The following SORL1 variants were observed in gnomAD, a reference collection of about 807,000 sequenced individuals.
SORL1 encodes the protein sortilin related receptor 1, also known as sortilin-related receptor.
In SORL1, 127 loss-of-function variants were observed where a neutral mutation model predicts 273.7. That is an observed-to-expected ratio of 0.46 (90% CI 0.40 to 0.54). The LOEUF is 0.54. SORL1 is among the 20% of genes least tolerant of loss of function. SORL1 has a pLI of 0.00. For missense variants in SORL1, 2,494 were observed against 2,846.1 expected, an observed-to-expected ratio of 0.88 and a Z score of 2.81; for synonymous variants, 1,031 against 1,067.4, an observed-to-expected ratio of 0.97 and a Z score of 0.66.
chr11:121,464,887 A>G (rs1861060194), intron 1 of SORL1, among the ~76,000 whole-genome samples: 1 of 152,164 alleles, frequency 6.6e-6, no homozygotes, highest in East Asian at 1.9e-4. Flanking sequence ...TTCTAGCTGC[A>G]TATTTTGGTA....
intron 36 of SORL1, 110 bp downstream of exon 36, chr11:121,607,067 C>T (rs544167620): frequency 9.9e-7 from 1 of 1,010,650 alleles, no homozygotes; most frequent in Non-Finnish European, 1.6e-6. Flanking sequence ...GGTGATGACC[C>T]ATCCGTCAGA....
rs117941925 is a variant in SORL1, at chr11:121,484,020, G to A, written c.529-4012G>A. Among the ~76,000 whole-genome samples the A allele has an allele frequency of 1.7e-3, 253 of 152,238 alleles. 1 individual carries two copies. Among genetic ancestry groups the A allele is most frequent in the Admixed American group, 0.012 (180 of 15,282 alleles). ...AGTGCCAAAATGTGGTTTCTGTGCAGGACAGCGAGGAGATTCACTTTTTGG... is the reference window on the plus strand; with the variant it reads ...AGTGCCAAAATGTGGTTTCTGTGCAAGACAGCGAGGAGATTCACTTTTTGG... On this transcript the variant is annotated intron_variant, in intron 3 of 47. Coordinates refer to ENST00000260197, the MANE Select transcript of SORL1 (RefSeq NM_003105.6).
chr11:121,618,411 G>A (rs1863669837), intron 41 of SORL1, among the ~76,000 whole-genome samples: 1 of 152,132 alleles, frequency 6.6e-6, no homozygotes, highest in Non-Finnish European at 1.5e-5. Flanking sequence ...ATGGTAGAAT[G>A]ACACCCCCTC....
chr11:121,576,867 T>C (rs1393194478), intron 24 of SORL1: 12 of 1,535,502 alleles, frequency 7.8e-6, no homozygotes, highest in South Asian at 4.8e-5. Flanking sequence ...CTCTCGGCAC[T>C]CCTTTTCTCA....
intron 32 of SORL1, among the ~76,000 whole-genome samples, chr11:121,601,821 A>G (rs544199245): frequency 2.0e-5 from 3 of 152,212 alleles, no homozygotes; most frequent in South Asian, 2.1e-4. Flanking sequence ...CTGTTGTTTG[A>G]TTATATTTGA....
At chr11:121,485,420 A>T (rs1223157634) in intron 3 of SORL1, among the ~76,000 whole-genome samples, 1 of 152,186 alleles carries the variant, frequency 6.6e-6, no homozygotes, top group East Asian at 1.9e-4. Flanking sequence ...TTGGGCAGTA[A>T]ACTACTCTCA....
chr11:121,570,281 T>TGGATTGGACGTTAA lies in SORL1; in HGVS notation c.3337+13_3337+26dup. ...ATGAGAGAAACTGCCGTGAGTCTTC[T>TGGATTGGACGTTAA]GGATTGGACGTTAAGCACTTACCAT... On this transcript the variant is annotated intron_variant, in intron 23 of 47. Transcript: ENST00000260197. 1 of 1,594,386 alleles carries TGGATTGGACGTTAA rather than the reference T, an allele frequency of 6.3e-7. No homozygotes were observed. Among genetic ancestry groups the TGGATTGGACGTTAA allele is most frequent in the Non-Finnish European group, 8.6e-7 (1 of 1,162,108 alleles).
chr11:121,484,116 C>T (rs1014947374), intron 3 of SORL1, among the ~76,000 whole-genome samples: 1 of 152,140 alleles, frequency 6.6e-6, no homozygotes, highest in African/African-American at 2.4e-5. Context: ...AGATTGTCTT[C>T]TGCTTTGAGG....
chr11:121,624,373 G>A (rs967151990), intron 45 of SORL1, among the ~76,000 whole-genome samples: 5 of 152,184 alleles, frequency 3.3e-5, no homozygotes, highest in Non-Finnish European at 7.3e-5. Flanking sequence ...GAGAAGTCAG[G>A]TTGTCAGCCC....
intron 1 of SORL1, among the ~76,000 whole-genome samples, chr11:121,454,255 G>A (rs1860864665): frequency 6.6e-6 from 1 of 152,242 alleles, no homozygotes; most frequent in African/African-American, 2.4e-5. Context: ...CTGTGCTCTT[G>A]AATCAGCATT....
At chr11:121,552,359 T>A (rs1862519008) in intron 16 of SORL1, among the ~76,000 whole-genome samples, 1 of 152,238 alleles carries the variant, frequency 6.6e-6, no homozygotes, top group African/African-American at 2.4e-5. Context: ...AGGTTAAGCA[T>A]TGCGCGCTGG....
rs149859900 is a variant in SORL1 at position 121,589,365 on chromosome 11, C to T, written c.4053C>T (p.Gly1351=). 28 of 1,613,416 alleles carry T rather than the reference C, an allele frequency of 1.7e-5. No individual in the cohort carries two copies. The highest frequency in any genetic ancestry group is 2.2e-5 in the East Asian group (1 of 44,880). Residue 1351 remains glycine, a synonymous_variant, in exon 29 of 48, where the codon GGC becomes GGT. Coordinates refer to ENST00000260197, the MANE Select transcript of SORL1 (RefSeq NM_003105.6). ...IWKCDGMDDC[G]DYSDEANCEN... ...AGTGCGACGGGATGGATGATTGCGG[C>T]GATTATTCTGATGAAGCCAACTGCG...
intron 45 of SORL1, 71 bp from the exon 46 acceptor site, chr11:121,625,014 A>T: frequency 8.7e-7 from 1 of 1,154,664 alleles, no homozygotes; most frequent in African/African-American, 1.5e-5. Flanking sequence ...TCACATAAAG[A>T]TGGAACCAGT....
chr11:121,488,244 T>G lies in SORL1; in HGVS notation c.690+51T>G. ...GCATGGGGCTCCTCTAGTTTTCTCC[T>G]CTGCCTGTGTGGATTGTGTGTCCTT... On this transcript the variant is annotated intron_variant, in intron 4 of 47. Transcript: ENST00000260197. 9 of 1,580,032 alleles carry G rather than the reference T, an allele frequency of 5.7e-6. 1 individual carries two copies. In the Middle Eastern group the frequency reaches 1.6e-3, roughly 279 times the overall value.
chr11:121,482,874 C>T (rs1320255750), intron 3 of SORL1, among the ~76,000 whole-genome samples: 5 of 152,192 alleles, frequency 3.3e-5, no homozygotes, highest in East Asian at 1.9e-4. Flanking sequence ...AGTTCCAGTC[C>T]GAAGGCTTTG....
At chr11:121,514,099 C>T (rs929743007) in intron 7 of SORL1, 53 bp from the exon 8 acceptor site, 2 of 1,574,718 alleles carry the variant, frequency 1.3e-6, no homozygotes, top group African/African-American at 2.7e-5. Flanking sequence ...TAGTAAAAGC[C>T]CACAGGGCAC....
Position 121,604,285 on chromosome 11 carries a change from C to T in SORL1, c.4612C>T (p.Leu1538=), listed in dbSNP as rs1863435274. 1.9e-6 allele frequency: 3 copies of T among 1,614,020 alleles called. No individual in the cohort carries two copies. In the East Asian group the frequency reaches 6.7e-5, roughly 36 times the overall value. The change falls in exon 33 of 48, where the codon CTG becomes TTG. Residue 1538 remains leucine (L), a synonymous_variant. Coordinates refer to ENST00000260197, the MANE Select transcript of SORL1 (RefSeq NM_003105.6). ...IVLSERCDGF[L]DCSDESDEKA... Reference sequence around the variant, plus strand: ...GCTCTCGGAGCGCTGCGACGGCTTCCTGGACTGCTCGGACGAGAGCGATGA... The same window carrying T: ...GCTCTCGGAGCGCTGCGACGGCTTCTTGGACTGCTCGGACGAGAGCGATGA...
chr11:121,586,457 T>C (rs1323736351), intron 27 of SORL1, 128 bp downstream of exon 27: 1 of 746,496 alleles, frequency 1.3e-6, no homozygotes, highest in Non-Finnish European at 2.4e-6. Flanking sequence ...AGTTGATCCC[T>C]GAGTACTTGG....
rs1863506513 is a variant in SORL1 at position 121,608,114 on chromosome 11, T to A, written c.5177T>A (p.Val1726Glu). 6.2e-7 allele frequency: 1 copy of A among 1,613,742 alleles called. No individual in the cohort carries two copies. Among genetic ancestry groups the A allele is most frequent in the African/African-American group, 1.3e-5 (1 of 74,918 alleles). The change falls in exon 38 of 48, where the codon GTG becomes GAG. Residue 1726 changes from valine to glutamate, a missense_variant. Coordinates refer to ENST00000260197, the MANE Select transcript of SORL1 (RefSeq NM_003105.6). ...NTLYTVRVAAVTSRGIGNWSD... is the reference protein window; with the variant it reads ...NTLYTVRVAAETSRGIGNWSD... ...CTCTGATTTGAAAAGGTGGCTGCGG[T>A]GACTAGTCGTGGAATAGGAAACTGG...
Sources: gnomAD v4.1 joint callset for allele counts (sites outside exome capture counted in the v4.1 genomes callset) on GRCh38, gnomAD v4.1.1 for gene constraint, MANE v1.5 for transcripts, NCBI Gene and HGNC (gene_info 2026-07-23, HGNC 2026-07-21) for gene names.